Variants in SORCS1 observed in about 807,000 individuals in gnomAD.
The protein encoded by SORCS1 is sortilin related VPS10 domain containing receptor 1.
SORCS1 carries 60 observed loss-of-function variants against 146.1 expected under a neutral mutation model. The ratio of observed to expected loss-of-function variants is 0.41; its 90% CI spans 0.33 to 0.51. The LOEUF is 0.51. Ranked by LOEUF, SORCS1 falls within the 20% of genes least tolerant of loss-of-function variation. The probability of loss-of-function intolerance (pLI) is 0.21; values close to 1 mark genes in which losing one functional copy is unlikely to be tolerated. For missense variants in SORCS1, 1,352 were observed against 1,487.6 expected, an observed-to-expected ratio of 0.91 and a Z score of 1.50; for synonymous variants, 637 against 584.0, an observed-to-expected ratio of 1.09 and a Z score of -1.31.
chr10:107,007,884 C>G (rs1957524372), intron 1 of SORCS1, among the ~76,000 whole-genome samples: 1 of 152,164 alleles, frequency 6.6e-6, no homozygotes, highest in South Asian at 2.1e-4. Flanking sequence ...TTCACTTGTT[C>G]TTGGCCAAAA....
chr10:107,032,480 G>C (rs1471563121), intron 1 of SORCS1, among the ~76,000 whole-genome samples: 5 of 151,996 alleles, frequency 3.3e-5, no homozygotes, highest in Non-Finnish European at 5.9e-5. Context: ...GGAACTCCTA[G>C]AGTTTCTGTT....
At chr10:106,742,995 A>T (rs1857464999) in intron 5 of SORCS1, among the ~76,000 whole-genome samples, 1 of 152,210 alleles carries the variant, frequency 6.6e-6, no homozygotes, top group South Asian at 2.1e-4. Flanking sequence ...TTTTGAACTC[A>T]TGTAAACTCC....
intron 9 of SORCS1, among the ~76,000 whole-genome samples, chr10:106,689,980 G>C (rs1408548575): frequency 6.6e-6 from 1 of 152,200 alleles, no homozygotes; most frequent in Non-Finnish European, 1.5e-5. Context: ...ATGAGCTGCA[G>C]AGAGGAATAC....
chr10:106,886,857 C>A (rs1194974087), intron 2 of SORCS1, among the ~76,000 whole-genome samples: 1 of 152,180 alleles, frequency 6.6e-6, no homozygotes, highest in Non-Finnish European at 1.5e-5. Context: ...AAAGGAAAGG[C>A]TAGAGTAGTT....
chr10:106,617,105 C>A (rs1048307027), intron 21 of SORCS1, among the ~76,000 whole-genome samples: 2 of 152,016 alleles, frequency 1.3e-5, no homozygotes, highest in African/African-American at 4.8e-5. Flanking sequence ...CAGGCATGTT[C>A]CACCATGCCT....
At position 106,940,051 on chromosome 10, in the gene SORCS1, C is replaced by A. The variant is rs1039514114; in HGVS notation, c.626+16462G>T. Reference sequence around the variant, plus strand: ...GCCAGACATTACATTTGTATTTGAACAAATGTACCTCTGCTTTAGCATTAG... The same window carrying A: ...GCCAGACATTACATTTGTATTTGAAAAAATGTACCTCTGCTTTAGCATTAG... On this transcript the variant is annotated intron_variant, in intron 2 of 25. Coordinates refer to ENST00000263054, the MANE Select transcript of SORCS1 (RefSeq NM_052918.5). Among the ~76,000 whole-genome samples the A allele has an allele frequency of 2.0e-5, 3 of 152,172 alleles. No homozygotes were observed. The East Asian group carries it at 5.8e-4, about 29-fold the overall frequency.
chr10:107,105,054 A>G (rs2134409649), intron 1 of SORCS1, among the ~76,000 whole-genome samples: 2 of 152,332 alleles, frequency 1.3e-5, no homozygotes, highest in African/African-American at 4.8e-5. Context: ...GTGCACGAAA[A>G]TTGTAATACT....
intron 1 of SORCS1, among the ~76,000 whole-genome samples, chr10:107,021,515 A>C (rs1469402473): frequency 6.9e-5 from 1 of 14,464 alleles, no homozygotes; most frequent in Middle Eastern, 0.028. Flanking sequence ...CTCCGTCTCA[A>C]AAAAAAAAAA....
rs370786750 is a variant in SORCS1 at position 106,795,601 on chromosome 10, C to T, written c.727-18909G>A. The stretch of plus-strand genomic sequence containing the variant: ...CTGGCTATAATGATCCTTTCTGTTT[C>T]GGGAGATGATCAAATCCATAACATT... On this transcript the variant is annotated intron_variant, in intron 3 of 25. Coordinates refer to ENST00000263054, the MANE Select transcript of SORCS1 (RefSeq NM_052918.5). Among the ~76,000 whole-genome samples, 6 of 152,208 alleles carry T rather than the reference C, an allele frequency of 3.9e-5. No individual in the cohort carries two copies. In the South Asian group the frequency reaches 6.2e-4, roughly 16 times the overall value.
chr10:106,708,816 G>T (rs1029789634), intron 7 of SORCS1, among the ~76,000 whole-genome samples: 4 of 152,084 alleles, frequency 2.6e-5, no homozygotes, highest in Admixed American at 6.5e-5. Flanking sequence ...TTGGGGAGGG[G>T]GCTGATTGGC....
intron 1 of SORCS1, among the ~76,000 whole-genome samples, chr10:106,973,977 A>AT (rs1444619838): frequency 1.3e-5 from 2 of 152,174 alleles, no homozygotes; most frequent in East Asian, 3.9e-4. Flanking sequence ...GCAAAACAGG[A>AT]ATTTGTTTGG....
intron 2 of SORCS1, among the ~76,000 whole-genome samples, chr10:106,928,249 G>A (rs902391911): frequency 2.6e-5 from 4 of 152,206 alleles, no homozygotes; most frequent in Non-Finnish European, 4.4e-5. Flanking sequence ...GCCCTGCCCC[G>A]CGAGGAGGCA....
At chr10:107,151,303 A>G (rs539384321) in intron 1 of SORCS1, among the ~76,000 whole-genome samples, 5 of 152,214 alleles carry the variant, frequency 3.3e-5, no homozygotes, top group Non-Finnish European at 5.9e-5. Context: ...GTCTGAGGTG[A>G]TCTCAGATAG....
In SORCS1 at chr10:106,772,470, ATCTC is replaced by A. The variant is rs370234577; in HGVS notation, c.885+4060_885+4063del. On this transcript the variant is annotated intron_variant, in intron 4 of 25. Transcript: ENST00000263054. Reference sequence around the variant, plus strand: ...AATCAATCAATCAATCAATCAATCAATCTCTCTCTCTCTCTCTCTCCCCTCCTCT... The same window carrying A: ...AATCAATCAATCAATCAATCAATCAATCTCTCTCTCTCTCTCCCCTCCTCT... Among the ~76,000 whole-genome samples, 494 of 127,592 alleles carry A rather than the reference ATCTC, an allele frequency of 3.9e-3. 1 individual carries two copies. Among genetic ancestry groups the A allele is most frequent in the African/African-American group, 0.013 (455 of 34,240 alleles). 83.7% of individuals were successfully genotyped at this position (127,592 alleles called of 152,430 possible). A position where few individuals can be genotyped will look rare whatever the true frequency, so the allele number is the denominator to read the frequency against.
intron 3 of SORCS1, among the ~76,000 whole-genome samples, chr10:106,790,995 GATT>G (rs1946291207): frequency 6.6e-6 from 1 of 152,184 alleles, no homozygotes; most frequent in Admixed American, 6.5e-5. Context: ...ACTATGCAGA[GATT>G]ATTGTCACTG....
chr10:107,118,495 T>G (rs1966187445), intron 1 of SORCS1, among the ~76,000 whole-genome samples: 1 of 152,340 alleles, frequency 6.6e-6, no homozygotes, highest in Non-Finnish European at 1.5e-5. Flanking sequence ...CCTTGGGCTT[T>G]ATTTTTTTCC....
At chr10:106,737,459 C>A (rs1857035991) in intron 5 of SORCS1, among the ~76,000 whole-genome samples, 1 of 151,476 alleles carries the variant, frequency 6.6e-6, no homozygotes, top group Admixed American at 6.6e-5. Context: ...GGGGGTGGTG[C>A]AGGCATGGTG....
chr10:106,986,400 A>G (rs1189099474), intron 1 of SORCS1, among the ~76,000 whole-genome samples: 2 of 152,198 alleles, frequency 1.3e-5, no homozygotes, highest in Non-Finnish European at 2.9e-5. Flanking sequence ...AAAGGAAACC[A>G]TACTTAGCCA....
intron 1 of SORCS1, among the ~76,000 whole-genome samples, chr10:107,119,354 T>C (rs138720781): frequency 1.3e-5 from 2 of 152,310 alleles, no homozygotes; most frequent in East Asian, 3.9e-4. Context: ...AGCTGAGGTA[T>C]TGCAACTAGT....
Sources: allele counts gnomAD v4.1 joint callset (sites outside exome capture counted in the v4.1 genomes callset), GRCh38; gene constraint gnomAD v4.1.1; transcripts MANE v1.5; gene names NCBI Gene and HGNC (gene_info 2026-07-23, HGNC 2026-07-21).